Variants in MUL1 observed in about 807,000 individuals in gnomAD.
The protein encoded by MUL1 is mitochondrial ubiquitin ligase activator of NFKB 1.
MUL1 carries 30 observed loss-of-function variants against 34.1 expected under a neutral mutation model. The observed-to-expected ratio is 0.88, with a 90% confidence interval of 0.66 to 1.19. The LOEUF is 1.19. MUL1 is among the 50% of genes most tolerant of loss of function. The pLI, the probability that MUL1 is intolerant of heterozygous loss-of-function variation, is 0.00. For synonymous variants in MUL1, 191 were observed against 187.8 expected (o/e 1.02, Z -0.14); for missense variants, 419 against 450.5 (o/e 0.93, Z 0.63).
chr1:20,507,547 CAT>C (rs2051727835), intron 1 of MUL1, among the ~76,000 whole-genome samples: 1 of 152,238 alleles, frequency 6.6e-6, no homozygotes, highest in African/African-American at 2.4e-5. Context: ...GCCTGATTTA[CAT>C]GTTTGCTGTC....
At chr1:20,507,882 G>T in intron 1 of MUL1, 23 bp downstream of exon 1, 2 of 1,593,422 alleles carry the variant, frequency 1.3e-6, no homozygotes, top group Non-Finnish European at 8.5e-7. Flanking sequence ...CCCGGCTGAG[G>T]CCAGGCCGGC....
chr1:20,506,200 A>C (rs1419872436), intron 1 of MUL1, among the ~76,000 whole-genome samples: 1 of 152,160 alleles, frequency 6.6e-6, no homozygotes, highest in African/African-American at 2.4e-5. Context: ...CAGGTTTAGG[A>C]ATCCATCTTT....
In MUL1 at chr1:20,500,425, C is replaced by A. The variant is rs1403779173; in HGVS notation, c.*265G>T. On this transcript the variant is annotated 3_prime_UTR_variant, in exon 4 of 4. Transcript: ENST00000264198. ...CATTTTCAGTCACACTCGCACTGAT[C>A]TGGCTCCTGGGAGGAGACGCCACGG... The A allele has an allele frequency of 5.0e-6, 2 of 404,016 alleles. No individual in the cohort carries two copies. The highest frequency in any genetic ancestry group is 8.9e-6 in the Non-Finnish European group (2 of 223,658). The allele number at this position is 404,016 out of a possible 1,614,324, so 25.0% of individuals were successfully genotyped here. A position where few individuals can be genotyped will look rare whatever the true frequency, so the allele number is the denominator to read the frequency against.
At chr1:20,507,668 A>C (rs1464010926) in intron 1 of MUL1, among the ~76,000 whole-genome samples, 2 of 152,260 alleles carry the variant, frequency 1.3e-5, no homozygotes, top group Non-Finnish European at 2.9e-5. Flanking sequence ...AAAGTAATGA[A>C]GTCAAGATTC....
intron 2 of MUL1, 39 bp downstream of exon 2, chr1:20,503,183 A>G (rs1471038507): frequency 1.3e-5 from 19 of 1,409,602 alleles, no homozygotes; most frequent in Non-Finnish European, 1.9e-5. Flanking sequence ...TCTTTTGGGA[A>G]AAAGACGTTG....
In MUL1 at chr1:20,500,939, C is replaced by T; in HGVS notation, c.810G>A (p.Leu270=). 6.2e-7 allele frequency: 1 copy of T among 1,614,030 alleles called. No homozygotes were observed. Among genetic ancestry groups the T allele is most frequent in the Non-Finnish European group, 8.5e-7 (1 of 1,180,052 alleles). Residue 270 remains leucine, a synonymous_variant, in exon 4 of 4, where the codon CTG becomes CTA. Coordinates refer to ENST00000264198, the MANE Select transcript of MUL1 (RefSeq NM_024544.3). ...RKQYLQRQER[L]RLKQMQEEFQ... Reference sequence around the variant, plus strand: ...ACTCCTCCTGCATCTGCTTGAGGCGCAGGCGCTCCTGCCGCTGCAGATACT... The same window carrying T: ...ACTCCTCCTGCATCTGCTTGAGGCGTAGGCGCTCCTGCCGCTGCAGATACT...
At chr1:20,507,781 C>G in intron 1 of MUL1, 124 bp downstream of exon 1, 1 of 1,374,138 alleles carries the variant, frequency 7.3e-7, no homozygotes, top group African/African-American at 1.4e-5. Flanking sequence ...TGGATGACAC[C>G]CTTCAGAGGC....
intron 1 of MUL1, among the ~76,000 whole-genome samples, chr1:20,503,731 G>A (rs2051687300): frequency 6.6e-6 from 1 of 152,154 alleles, no homozygotes; most frequent in Non-Finnish European, 1.5e-5. Flanking sequence ...GCAGTGGTTT[G>A]AGAACTGGTA....
Position 20,503,252 on chromosome 1 carries a change from C to T in MUL1, c.178G>A (p.Gly60Arg), listed in dbSNP as rs1167349180. Residue 60 changes from glycine (G) to arginine (R), a missense_variant, in exon 2 of 4, where the codon GGA becomes AGA. Transcript: ENST00000264198. ...ATAACAGCATAAGGCACGCATTTTC[C>T]TGGAGCTTCTGAAAGAATACTCTTT... ...DLKSILSEAP[G>R]KCVPYAVIEG... 6.2e-7 allele frequency: 1 copy of T among 1,610,430 alleles called. No homozygotes were observed. Among genetic ancestry groups the T allele is most frequent in the Non-Finnish European group, 8.5e-7 (1 of 1,178,660 alleles).
Position 20,507,957 on chromosome 1 carries a change from G to A in MUL1, c.68C>T (p.Ala23Val). 6.3e-7 allele frequency: 1 copy of A among 1,596,198 alleles called. No individual in the cohort carries two copies. The highest frequency in any genetic ancestry group is 8.5e-7 in the Non-Finnish European group (1 of 1,172,334). Residue 23 changes from alanine to valine, a missense_variant, in exon 1 of 4, where the codon GCC becomes GTC. Physicochemically the swap from Ala to Val is moderately conservative, Grantham distance 64. Coordinates refer to ENST00000264198, the MANE Select transcript of MUL1 (RefSeq NM_024544.3). ...ILLGTTSVVT[A>V]ALYSVYRQKA... Reference sequence around the variant, plus strand: ...CTGCCGGTACACGGAGTACAGGGCGGCGGTGACCACAGAGGTGGTGCCCAG... The same window carrying A: ...CTGCCGGTACACGGAGTACAGGGCGACGGTGACCACAGAGGTGGTGCCCAG...
At chr1:20,502,314 C>A in intron 2 of MUL1, 125 bp from the exon 3 acceptor site, 1 of 1,317,488 alleles carries the variant, frequency 7.6e-7, no homozygotes, top group Non-Finnish European at 1.1e-6. Flanking sequence ...TTTGGGAAGC[C>A]AAGTCAGAAG....
In MUL1 at chr1:20,501,291, T is replaced by C. The variant is rs145815176; in HGVS notation, c.458A>G (p.Glu153Gly). ...GGGGTGGAACTTCTCATACACAGTC[T>C]CTAGACCCAGATCCACTGAGTCCAG... ...KPLDSVDLGL[E>G]TVYEKFHPSI... The change falls in exon 4 of 4, where the codon GAG becomes GGG. Residue 153 changes from glutamate to glycine, a missense_variant. Coordinates refer to ENST00000264198, the MANE Select transcript of MUL1 (RefSeq NM_024544.3). The surrounding 1 kb of genome is among the most constrained non-coding windows in gnomAD (Gnocchi z 4.2). 479 of 1,614,120 alleles carry C rather than the reference T, an allele frequency of 3.0e-4. 1 individual carries two copies. The African/African-American group carries it at 5.4e-3, about 18-fold the overall frequency.
intron 1 of MUL1, 140 bp downstream of exon 1, chr1:20,507,765 A>T: frequency 8.1e-7 from 1 of 1,238,584 alleles, no homozygotes; most frequent in Non-Finnish European, 1.1e-6. Flanking sequence ...TCCTCCATCT[A>T]CTGGCTGGAT....
chr1:20,500,688 T>C lies in MUL1; in HGVS notation c.*2A>G, dbSNP rs2051646588. On this transcript the variant is annotated 3_prime_UTR_variant, in exon 4 of 4. Transcript: ENST00000264198. ...AGGTCAAGCTGTGCGGCTTCCAAAC[T>C]ATTAGCTGTTGTACAGGGGTATCAC... 1.3e-6 allele frequency: 2 copies of C among 1,553,058 alleles called. No homozygotes were observed. Among genetic ancestry groups the C allele is most frequent in the Non-Finnish European group, 8.7e-7 (1 of 1,148,524 alleles).
chr1:20,500,687 C>A lies in MUL1; in HGVS notation c.*3G>T. 6.4e-7 allele frequency: 1 copy of A among 1,552,760 alleles called. No homozygotes were observed. Among genetic ancestry groups the A allele is most frequent in the Non-Finnish European group, 8.7e-7 (1 of 1,148,288 alleles). ...CAGGTCAAGCTGTGCGGCTTCCAAA[C>A]TATTAGCTGTTGTACAGGGGTATCA... On this transcript the variant is annotated 3_prime_UTR_variant, in exon 4 of 4. Transcript: ENST00000264198.
In MUL1 at chr1:20,502,352, C is replaced by G. The variant is rs577170234; in HGVS notation, c.209-163G>C. On this transcript the variant is annotated intron_variant, in intron 2 of 3. Transcript: ENST00000264198. ...TCACTTGGGGCCACGAGTTTGAGAC[C>G]AGCCTGGTTAACACAGTGAGATTCC... 2.0e-3 allele frequency among the ~76,000 whole-genome samples: 303 copies of G among 152,300 alleles called. 1 individual carries two copies. Among genetic ancestry groups the G allele is most frequent in the Non-Finnish European group, 1.8e-3 (120 of 68,030 alleles).
chr1:20,506,857 AAAAG>A (rs553249477), intron 1 of MUL1, among the ~76,000 whole-genome samples: 56 of 125,674 alleles, frequency 4.5e-4, no homozygotes, highest in East Asian at 7.5e-4. Context: ...CTCAAAAAAA[AAAAG>A]AAAAAGAAAA....
chr1:20,503,181 GA>G, intron 2 of MUL1, 40 bp downstream of exon 2: 3 of 1,390,132 alleles, frequency 2.2e-6, no homozygotes, highest in African/African-American at 1.4e-5. Flanking sequence ...AATCTTTTGG[GA>G]AAAAGACGTT....
At chr1:20,502,493 G>A (rs2051672178) in intron 2 of MUL1, among the ~76,000 whole-genome samples, 1 of 152,158 alleles carries the variant, frequency 6.6e-6, no homozygotes, top group Admixed American at 6.5e-5. Flanking sequence ...AGGCTGCAGT[G>A]AGCTATGATC....
Sources: gnomAD v4.1 joint callset for allele counts (sites outside exome capture counted in the v4.1 genomes callset) on GRCh38, gnomAD v4.1.1 for gene constraint, Gnocchi (gnomAD v3.1) non-coding constraint, MANE v1.5 for transcripts, NCBI Gene and HGNC (gene_info 2026-07-23, HGNC 2026-07-21) for gene names.